PLCXD3: variants seen among roughly 807,000 people sequenced by gnomAD.
PLCXD3 encodes phosphatidylinositol specific phospholipase C X domain containing 3, also known as PI-PLC X domain-containing protein 3.
In PLCXD3, 19 loss-of-function variants were observed where a neutral mutation model predicts 25.5. The observed-to-expected ratio is 0.75, with a 90% CI of 0.52 to 1.09. The LOEUF (loss-of-function observed/expected upper bound fraction) is 1.09. PLCXD3 is among the 50% of genes least tolerant of loss of function. PLCXD3 has a pLI of 0.00. For synonymous variants in PLCXD3, 174 were observed against 137.6 expected (o/e 1.26, Z -1.85); for missense variants, 411 against 388.1 (o/e 1.06, Z -0.50).
intron 1 of PLCXD3, among the ~76,000 whole-genome samples, chr5:41,430,306 G>A (rs1000216107): frequency 3.9e-5 from 6 of 152,162 alleles, no homozygotes. Context: ...AGAGAGGAAT[G>A]AGTTCAAGAA....
chr5:41,345,340 C>T (rs2150479093), intron 2 of PLCXD3, among the ~76,000 whole-genome samples: 1 of 152,180 alleles, frequency 6.6e-6, no homozygotes, highest in East Asian at 1.9e-4. Flanking sequence ...GAGTGGCTTG[C>T]CCCTGCTTGT....
At position 41,354,368 on chromosome 5, in the gene PLCXD3, A is replaced by C. The variant is rs139216012; in HGVS notation, c.812+27458T>G. On this transcript the variant is annotated intron_variant, in intron 2 of 2. Transcript: ENST00000377801. ...CCTCCCTCAACTTGCTCTATGCCCA[A>C]TGTTTCTGACTTCAGTGAATGGCAT... 3.1e-4 allele frequency among the ~76,000 whole-genome samples: 47 copies of C among 152,228 alleles called. No individual in the cohort carries two copies. In the East Asian group the frequency reaches 8.1e-3, roughly 26 times the overall value.
At chr5:41,395,144 A>C (rs1249265974) in intron 1 of PLCXD3, among the ~76,000 whole-genome samples, 1 of 152,178 alleles carries the variant, frequency 6.6e-6, no homozygotes, top group Admixed American at 6.5e-5. Flanking sequence ...CCACATTGGA[A>C]TAAAACTCAA....
intron 1 of PLCXD3, among the ~76,000 whole-genome samples, chr5:41,487,835 G>A (rs1408578357): frequency 6.6e-6 from 1 of 152,012 alleles, no homozygotes; most frequent in Non-Finnish European, 1.5e-5. Context: ...AAGGTGAAAG[G>A]AGTTGAGGTC....
chr5:41,408,964 C>A (rs564822816), intron 1 of PLCXD3, among the ~76,000 whole-genome samples: 2 of 152,178 alleles, frequency 1.3e-5, no homozygotes, highest in Admixed American at 6.5e-5. Flanking sequence ...AACACTATTG[C>A]CTTGGCTATT....
At chr5:41,388,876 A>G (rs1044774401) in intron 1 of PLCXD3, among the ~76,000 whole-genome samples, 4 of 152,014 alleles carry the variant, frequency 2.6e-5, no homozygotes, top group Middle Eastern at 3.5e-3. Context: ...CCAGTTCATA[A>G]TAGAATAATA....
intron 2 of PLCXD3, among the ~76,000 whole-genome samples, chr5:41,368,954 G>A (rs1341132464): frequency 9.9e-5 from 15 of 152,102 alleles, no homozygotes; most frequent in Admixed American, 9.2e-4. Context: ...CATGGTTTAC[G>A]ATATTGAAAA....
chr5:41,363,510 T>C (rs755712269), intron 2 of PLCXD3, among the ~76,000 whole-genome samples: 4 of 152,226 alleles, frequency 2.6e-5, no homozygotes, highest in Non-Finnish European at 5.9e-5. Flanking sequence ...GAGCTGTCAT[T>C]CAGAATTATT....
intron 2 of PLCXD3, among the ~76,000 whole-genome samples, chr5:41,345,427 T>C (rs1744270294): frequency 6.6e-6 from 1 of 152,164 alleles, no homozygotes; most frequent in Non-Finnish European, 1.5e-5. Flanking sequence ...CTTCATATTA[T>C]TCTGGGTCTG....
chr5:41,374,474 C>A (rs967294162), intron 2 of PLCXD3, among the ~76,000 whole-genome samples: 2 of 152,076 alleles, frequency 1.3e-5, no homozygotes, highest in African/African-American at 4.8e-5. Flanking sequence ...GCCATTCTGA[C>A]CTTCAGTTTC....
At position 41,313,068 on chromosome 5, in the gene PLCXD3, T is replaced by C. The variant is rs1018931702; in HGVS notation, c.*549A>G. 1 of 152,934 alleles carries C rather than the reference T, an allele frequency of 6.5e-6. No individual in the cohort carries two copies. Among genetic ancestry groups the C allele is most frequent in the African/African-American group, 2.4e-5 (1 of 41,462 alleles). The allele number at this position is 152,934 out of a possible 1,614,324, so 9.5% of individuals were successfully genotyped here. ...TACTGATGCATGGAAACTGATTTGA[T>C]GCAGATTTTCTATGACCAAAAATTA... On this transcript the variant is annotated 3_prime_UTR_variant, in exon 3 of 3. Transcript: ENST00000377801.
chr5:41,319,110 C>T (rs1201711920), intron 2 of PLCXD3, among the ~76,000 whole-genome samples: 3 of 152,138 alleles, frequency 2.0e-5, no homozygotes, highest in Non-Finnish European at 4.4e-5. Context: ...GACCCAGATA[C>T]ATATAATAAG....
chr5:41,507,505 C>T (rs1025237962), intron 1 of PLCXD3, among the ~76,000 whole-genome samples: 10 of 152,160 alleles, frequency 6.6e-5, no homozygotes, highest in African/African-American at 2.4e-4. Flanking sequence ...ACAGCTATTG[C>T]GAGATTACTC....
At chr5:41,423,121 A>G (rs1486306605) in intron 1 of PLCXD3, among the ~76,000 whole-genome samples, 2 of 152,110 alleles carry the variant, frequency 1.3e-5, no homozygotes, top group Non-Finnish European at 2.9e-5. Flanking sequence ...ATTAATAGAT[A>G]TTCTAATTTT....
At chr5:41,485,471 T>C (rs4588635) in intron 1 of PLCXD3, among the ~76,000 whole-genome samples, 50,247 of 152,006 alleles carry the variant, frequency 0.33, 8,675 homozygotes, top group African/African-American at 0.43. Flanking sequence ...ACCCCCTCCT[T>C]CATGTATTTG....
chr5:41,464,191 G>A (rs1015401750), intron 1 of PLCXD3, among the ~76,000 whole-genome samples: 5 of 151,962 alleles, frequency 3.3e-5, no homozygotes, highest in Non-Finnish European at 5.9e-5. Flanking sequence ...TTAATCTGAA[G>A]AGCTCTGTAA....
chr5:41,456,732 CT>C (rs1264828256), intron 1 of PLCXD3, among the ~76,000 whole-genome samples: 1 of 151,808 alleles, frequency 6.6e-6, no homozygotes, highest in African/African-American at 2.4e-5. Flanking sequence ...AGAGAGATCC[CT>C]TGTCCCTTCC....
At chr5:41,386,981 T>C (rs1745657286) in intron 1 of PLCXD3, among the ~76,000 whole-genome samples, 1 of 151,938 alleles carries the variant, frequency 6.6e-6, no homozygotes, top group Non-Finnish European at 1.5e-5. Flanking sequence ...TTTTGTTAAG[T>C]TTAGTATATG....
chr5:41,435,221 C>G (rs1025018555), intron 1 of PLCXD3, among the ~76,000 whole-genome samples: 2 of 152,166 alleles, frequency 1.3e-5, no homozygotes, highest in Non-Finnish European at 2.9e-5. Flanking sequence ...AAAAAATGTA[C>G]AACTCTGTCA....
Sources: gnomAD v4.1 joint callset for allele counts (sites outside exome capture counted in the v4.1 genomes callset) on GRCh38, gnomAD v4.1.1 for gene constraint, MANE v1.5 for transcripts, NCBI Gene and HGNC (gene_info 2026-07-23, HGNC 2026-07-21) for gene names.